Variants in LINGO1 observed in about 807,000 individuals in gnomAD.
The protein encoded by LINGO1 is leucine rich repeat and Ig domain containing 1, also known as leucine-rich repeat and immunoglobulin-like domain-containing nogo receptor-interacting protein 1.
A neutral mutation model predicts 37.3 loss-of-function variants in LINGO1; 11 were observed. That is an observed-to-expected ratio of 0.29 (90% CI 0.19 to 0.49). The LOEUF (loss-of-function observed/expected upper bound fraction) is 0.49, where lower values mean the gene tolerates loss of function less well. Among genes scored for constraint, LINGO1 ranks in the 20% least tolerant of loss-of-function variants. The pLI is 0.99. For synonymous variants in LINGO1, 387 were observed against 403.0 expected (o/e 0.96, Z 0.48); for missense variants, 585 against 878.2 (o/e 0.67, Z 4.22).
At chr15:77,790,160 C>T (rs1318085810), upstream of LINGO1, among the ~76,000 whole-genome samples, 1 of 152,184 alleles carries the variant, frequency 6.6e-6, no homozygotes, top group Non-Finnish European at 1.5e-5. Context: ...TGGTACTTAG[C>T]TATAGCAGCC....
At chr15:77,749,058 C>G (rs1196778132) in intron 1 of LINGO1, among the ~76,000 whole-genome samples, 1 of 151,836 alleles carries the variant, frequency 6.6e-6, no homozygotes, top group Admixed American at 6.6e-5. Context: ...CAGGCGCACA[C>G]TACCACGCCC....
intron 1 of LINGO1, among the ~76,000 whole-genome samples, chr15:77,805,967 G>A (rs2076956254): frequency 1.3e-5 from 2 of 152,224 alleles, no homozygotes; most frequent in Non-Finnish European, 2.9e-5. Flanking sequence ...ACCCGGGGCT[G>A]ACCTCAGAGC....
At chr15:77,743,133 C>T (rs1348939195) in intron 1 of LINGO1, among the ~76,000 whole-genome samples, 1 of 152,114 alleles carries the variant, frequency 6.6e-6, no homozygotes, top group African/African-American at 2.4e-5. Flanking sequence ...CTCCATGCTG[C>T]CTTGGCTCTC....
At chr15:77,711,698 A>T (rs370831413) in intron 2 of LINGO1, among the ~76,000 whole-genome samples, 2 of 152,168 alleles carry the variant, frequency 1.3e-5, no homozygotes, top group East Asian at 3.9e-4. Context: ...ATTCTGCTCT[A>T]TTTCACAAAT....
chr15:77,630,867 A>G (rs1195875996), intron 1 of LINGO1, among the ~76,000 whole-genome samples: 1 of 152,070 alleles, frequency 6.6e-6, no homozygotes, highest in Non-Finnish European at 1.5e-5. Context: ...CCAAGGAGTT[A>G]TTGGTCTCTC....
intron 3 of LINGO1, among the ~76,000 whole-genome samples, chr15:77,654,462 G>C (rs567774912): frequency 1.3e-5 from 2 of 152,256 alleles, no homozygotes; most frequent in African/African-American, 4.8e-5. Context: ...GGGGTCCTGG[G>C]GCTACCTCAG....
intron 2 of LINGO1, among the ~76,000 whole-genome samples, chr15:77,731,233 GC>G (rs2141331832): frequency 6.6e-6 from 1 of 152,262 alleles, no homozygotes; most frequent in East Asian, 1.9e-4. Flanking sequence ...TGTAGAAGCC[GC>G]CCCCAGGTGC....
chr15:77,757,071 A>T (rs2076427532), intron 1 of LINGO1, among the ~76,000 whole-genome samples: 1 of 152,212 alleles, frequency 6.6e-6, no homozygotes, highest in Admixed American at 6.5e-5. Flanking sequence ...GTCTTTGGGC[A>T]AGGTTAGATG....
At chr15:77,798,795 CTG>C (rs2076893986) in intron 1 of LINGO1, among the ~76,000 whole-genome samples, 2 of 152,058 alleles carry the variant, frequency 1.3e-5, no homozygotes, top group South Asian at 2.1e-4. Flanking sequence ...CCTGTGTAGT[CTG>C]TGTGTTCAGC....
At chr15:77,775,725 T>C (rs1051030131) in intron 1 of LINGO1, among the ~76,000 whole-genome samples, 1 of 151,760 alleles carries the variant, frequency 6.6e-6, no homozygotes, top group Admixed American at 6.5e-5. Flanking sequence ...TGTGCCTCTC[T>C]AGACCCGGCC....
chr15:77,673,542 A>G (rs1041499056), intron 3 of LINGO1, among the ~76,000 whole-genome samples: 5 of 152,090 alleles, frequency 3.3e-5, no homozygotes, highest in Non-Finnish European at 4.4e-5. Flanking sequence ...CAGGACATAC[A>G]TGCCTGGTTC....
At chr15:77,666,180 T>C (rs56797976) in intron 3 of LINGO1, among the ~76,000 whole-genome samples, 22,745 of 152,260 alleles carry the variant, frequency 0.15, 1,824 homozygotes, top group Middle Eastern at 0.2. Context: ...CCAAGTCCTG[T>C]CTATGAGCTG....
At chr15:77,735,151 G>T (rs2076191594) in intron 1 of LINGO1, 2 of 152,400 alleles carry the variant, frequency 1.3e-5, no homozygotes, top group African/African-American at 4.8e-5. Flanking sequence ...GCCCAGCCTG[G>T]GCTTCCCTGT....
At chr15:77,786,098 G>A (rs2076767955) in intron 1 of LINGO1, among the ~76,000 whole-genome samples, 1 of 152,160 alleles carries the variant, frequency 6.6e-6, no homozygotes, top group Non-Finnish European at 1.5e-5. Context: ...AAGCAAGCAG[G>A]GCTGAGACAG....
chr15:77,766,715 T>C (rs1217411531), intron 1 of LINGO1, among the ~76,000 whole-genome samples: 1 of 152,218 alleles, frequency 6.6e-6, no homozygotes, highest in Admixed American at 6.5e-5. Flanking sequence ...ATGATTGTAG[T>C]TTCCTGAGGC....
chr15:77,776,448 A>AGCAGGAAGGCAGGAAAGCAGGAAG (rs2076641349), intron 1 of LINGO1, among the ~76,000 whole-genome samples: 14 of 103,854 alleles, frequency 1.3e-4, no homozygotes, highest in African/African-American at 6.4e-4. Flanking sequence ...CCGGGGCTTT[A>AGCAGGAAGGCAGGAAAGCAGGAAG]GCAGGAAGGC....
At chr15:77,815,438 C>G (rs1226353884) in intron 1 of LINGO1, among the ~76,000 whole-genome samples, 1 of 152,318 alleles carries the variant, frequency 6.6e-6, no homozygotes, top group East Asian at 1.9e-4. Context: ...CAATGCCAAA[C>G]AGCCCTCTAC....
At chr15:77,810,854 C>T (rs2076999864) in intron 1 of LINGO1, among the ~76,000 whole-genome samples, 2 of 152,204 alleles carry the variant, frequency 1.3e-5, no homozygotes, top group Admixed American at 1.3e-4. Flanking sequence ...GGCACTCATT[C>T]TGCCACAGCC....
At position 77,615,624 on chromosome 15, in the gene LINGO1, G is replaced by A; in HGVS notation, c.283C>T (p.Pro95Ser). ...TLNQDEFASF[P>S]HLEELELNEN... is the part of the protein sequence containing the mutation. The stretch of plus-strand genomic sequence containing the variant: ...TTGAGCTCCAGCTCCTCCAGGTGCG[G>A]GAAGCTGGCGAACTCGTCCTGGTTG... The change falls in exon 2 of 2, where the codon CCG (proline) becomes TCG (serine). Residue 95 changes from proline to serine, a missense_variant. Physicochemically the swap from Pro to Ser is moderately conservative, Grantham distance 74. This residue lies in a region of LINGO1 where 484 missense variants were observed against 735.0 expected (regional missense o/e 0.66). Transcript: ENST00000355300. 1.2e-6 allele frequency: 2 copies of A among 1,612,222 alleles called. No individual in the cohort carries two copies. Among genetic ancestry groups the A allele is most frequent in the Admixed American group, 1.7e-5 (1 of 59,754 alleles).
Sources: gnomAD v4.1 joint callset for allele counts (sites outside exome capture counted in the v4.1 genomes callset) on GRCh38, gnomAD v4.1.1 for gene constraint, gnomAD v4.1.1 regional missense constraint, MANE v1.5 for transcripts, NCBI Gene and HGNC (gene_info 2026-07-23, HGNC 2026-07-21) for gene names.